The following TSC22D1 variants were observed in gnomAD, a reference collection of about 807,000 sequenced individuals.
TSC22D1 encodes the protein TSC22 domain family protein 1.
Under a neutral mutation model 74.2 loss-of-function variants are expected in TSC22D1, and 9 were observed. The observed-to-expected ratio is 0.12, with a 90% CI of 0.07 to 0.21. The LOEUF is 0.21. TSC22D1 is among the 10% of genes least tolerant of loss of function. The pLI, the probability that TSC22D1 is intolerant of heterozygous loss-of-function variation, is 1.00. For synonymous variants in TSC22D1, 586 were observed against 492.5 expected (o/e 1.19, Z -2.51); for missense variants, 1,427 against 1,304.7 (o/e 1.09, Z -1.44).
At chr13:44,551,310 G>GTGT (rs1555272440) in intron 1 of TSC22D1, among the ~76,000 whole-genome samples, 28 of 132,856 alleles carry the variant, frequency 2.1e-4, no homozygotes, top group Admixed American at 4.6e-4. Flanking sequence ...ATCAGCTGGG[G>GTGT]GTGTGTGTGT....
chr13:44,435,092 C>G, intron 2 of TSC22D1: 1 of 523,466 alleles, frequency 1.9e-6, no homozygotes, highest in Non-Finnish European at 3.3e-6. Context: ...TTGTAAAAGT[C>G]TGTGCTTCTC....
chr13:44,456,164 G>A (rs771384648), intron 1 of TSC22D1, among the ~76,000 whole-genome samples: 15 of 152,288 alleles, frequency 9.8e-5, no homozygotes, highest in Admixed American at 3.9e-4. Flanking sequence ...AGCTCATAAA[G>A]GTAGTGCAGA....
intron 1 of TSC22D1, among the ~76,000 whole-genome samples, chr13:44,543,014 A>C (rs1213445684): frequency 6.6e-6 from 1 of 152,164 alleles, no homozygotes; most frequent in Non-Finnish European, 1.5e-5. Context: ...AAAATCAGCA[A>C]TGCTAAGCTG....
At chr13:44,462,310 A>G (rs997310811) in intron 1 of TSC22D1, among the ~76,000 whole-genome samples, 1 of 152,226 alleles carries the variant, frequency 6.6e-6, no homozygotes, top group Non-Finnish European at 1.5e-5. Context: ...TCTATTTTAC[A>G]AACATTTTTG....
At chr13:44,535,161 AC>A (rs1392374560) in intron 1 of TSC22D1, among the ~76,000 whole-genome samples, 3 of 152,134 alleles carry the variant, frequency 2.0e-5, no homozygotes, top group Admixed American at 6.5e-5. Context: ...ACCCAAGGAT[AC>A]CTGTTGTAGT....
At chr13:44,437,443 C>G (rs374648428) in intron 1 of TSC22D1, 3 of 178,472 alleles carry the variant, frequency 1.7e-5, no homozygotes, top group African/African-American at 7.2e-5. Context: ...CACATTTGCT[C>G]TTTGAGAGAT....
intron 1 of TSC22D1, among the ~76,000 whole-genome samples, chr13:44,546,163 A>C (rs897269838): frequency 6.6e-6 from 1 of 152,208 alleles, no homozygotes; most frequent in Non-Finnish European, 1.5e-5. Flanking sequence ...ATGTTAAATA[A>C]TTAAATGTAA....
At chr13:44,449,239 G>A in intron 1 of TSC22D1, among the ~76,000 whole-genome samples, 1 of 152,186 alleles carries the variant, frequency 6.6e-6, no homozygotes. Context: ...GTTTGAGAAG[G>A]TGCTCTCCAG....
intron 1 of TSC22D1, among the ~76,000 whole-genome samples, chr13:44,439,803 G>C (rs539786107): frequency 2.6e-5 from 4 of 152,204 alleles, no homozygotes; most frequent in Non-Finnish European, 5.9e-5. Context: ...AGCATGACAG[G>C]ATAGGAAAAG....
Position 44,433,074 on chromosome 13 carries a change from A to G in TSC22D1, c.*1552T>C, listed in dbSNP as rs910956561. ...AGGAGAAACATCCCAACCCAGGGTG[A>G]CAGGGTTCTTAAAGTGGAAATCAGC... On this transcript the variant is annotated 3_prime_UTR_variant, in exon 3 of 3. Transcript: ENST00000458659. 1 of 152,242 alleles carries G rather than the reference A, an allele frequency of 6.6e-6. No individual in the cohort carries two copies. The highest frequency in any genetic ancestry group is 2.4e-5 in the African/African-American group (1 of 41,454). The allele number at this position is 152,242 out of a possible 1,614,324, so 9.4% of individuals were successfully genotyped here. A position where few individuals can be genotyped will look rare whatever the true frequency, so the allele number is the denominator to read the frequency against.
chr13:44,554,144 G>A (rs577554543), intron 1 of TSC22D1, among the ~76,000 whole-genome samples: 1 of 152,320 alleles, frequency 6.6e-6, no homozygotes, highest in East Asian at 1.9e-4. Flanking sequence ...TGAGCCAGGT[G>A]CATTATATGC....
intron 1 of TSC22D1, among the ~76,000 whole-genome samples, chr13:44,448,799 A>T (rs1875889417): frequency 6.6e-6 from 1 of 152,160 alleles, no homozygotes; most frequent in Admixed American, 6.5e-5. Flanking sequence ...TGCTTTGTCC[A>T]GGGTCTACCT....
intron 1 of TSC22D1, among the ~76,000 whole-genome samples, chr13:44,525,936 T>C (rs564805562): frequency 6.6e-5 from 10 of 152,096 alleles, no homozygotes; most frequent in African/African-American, 2.2e-4. Flanking sequence ...AACCCATCTC[T>C]ACAAAAATAG....
At chr13:44,558,116 A>G (rs1882807386) in intron 1 of TSC22D1, among the ~76,000 whole-genome samples, 1 of 152,184 alleles carries the variant, frequency 6.6e-6, no homozygotes, top group Non-Finnish European at 1.5e-5. Flanking sequence ...TCTATACTCA[A>G]TAGGCTAACG....
intron 1 of TSC22D1, among the ~76,000 whole-genome samples, chr13:44,508,015 T>A (rs963047084): frequency 3.9e-5 from 6 of 152,244 alleles, no homozygotes; most frequent in East Asian, 1.9e-4. Flanking sequence ...GAATAATATA[T>A]CCCAGAACTC....
chr13:44,564,874 G>C (rs1164313486), intron 1 of TSC22D1, among the ~76,000 whole-genome samples: 2 of 152,026 alleles, frequency 1.3e-5, no homozygotes, highest in African/African-American at 4.8e-5. Flanking sequence ...AAAAGATGAA[G>C]ATATATTTTA....
intron 1 of TSC22D1, among the ~76,000 whole-genome samples, chr13:44,438,886 A>G (rs1052000064): frequency 1.3e-5 from 2 of 152,216 alleles, no homozygotes; most frequent in African/African-American, 4.8e-5. Context: ...TTCCATTTAC[A>G]TGTTTTAACT....
chr13:44,450,118 T>C (rs1876001632), intron 1 of TSC22D1, among the ~76,000 whole-genome samples: 1 of 147,868 alleles, frequency 6.8e-6, no homozygotes, highest in Non-Finnish European at 1.5e-5. Flanking sequence ...CCTCTGGGTG[T>C]TGAAAAACAA....
chr13:44,530,880 T>C (rs1308040790), intron 1 of TSC22D1, among the ~76,000 whole-genome samples: 2 of 152,288 alleles, frequency 1.3e-5, no homozygotes, highest in East Asian at 3.9e-4. Flanking sequence ...AGAAATCACA[T>C]TCATTGCTGA....
Sources: gnomAD v4.1 joint callset for allele counts (sites outside exome capture counted in the v4.1 genomes callset) on GRCh38, gnomAD v4.1.1 for gene constraint, MANE v1.5 for transcripts, NCBI Gene and HGNC (gene_info 2026-07-23, HGNC 2026-07-21) for gene names.